Variants in SMARCC1 observed in about 807,000 individuals in gnomAD.
SMARCC1 encodes the protein SWI/SNF complex subunit SMARCC1.
A neutral mutation model predicts 147.4 loss-of-function variants in SMARCC1; 43 were observed. That is an observed-to-expected ratio of 0.29 (90% CI 0.23 to 0.38). The LOEUF is 0.38. SMARCC1 is among the 10% of genes least tolerant of loss of function. The probability of loss-of-function intolerance (pLI) is 1.00; values close to 1 mark genes in which losing one functional copy is unlikely to be tolerated. For missense variants in SMARCC1, 1,119 were observed against 1,381.1 expected (o/e 0.81, Z 3.01); for synonymous variants, 495 against 484.4 (o/e 1.02, Z -0.29).
intron 2 of SMARCC1, among the ~76,000 whole-genome samples, chr3:47,769,210 CAAAAAAAA>C (rs1553692338): frequency 1.8e-4 from 6 of 33,102 alleles, no homozygotes; most frequent in Non-Finnish European, 2.6e-4. Flanking sequence ...GACTCCGTCT[CAAAAAAAA>C]AAAAAAAAAA....
At chr3:47,670,762 G>T in intron 18 of SMARCC1, 45 bp from the exon 19 acceptor site, 1 of 1,142,904 alleles carries the variant, frequency 8.7e-7, no homozygotes, top group Non-Finnish European at 1.3e-6. Flanking sequence ...TTTAAATGCT[G>T]AAGATGGAGC....
Position 47,774,847 on chromosome 3 carries a change from C to A in SMARCC1, c.196-1911G>T, listed in dbSNP as rs888814123. ...TCAAGACAGTGGTTTCTTGCTGTCT[C>A]CCAGGATGGAATACAGTGGTGTAAT... is the stretch of plus-strand genomic sequence containing the variant. On this transcript the variant is annotated intron_variant, in intron 1 of 27. Coordinates refer to ENST00000254480, the MANE Select transcript of SMARCC1 (RefSeq NM_003074.4). 2.6e-5 allele frequency among the ~76,000 whole-genome samples: 4 copies of A among 151,842 alleles called. No individual in the cohort carries two copies. The East Asian group carries it at 7.7e-4, about 29-fold the overall frequency.
chr3:47,678,159 C>T (rs751931538), intron 16 of SMARCC1, 39 bp downstream of exon 16: 1 of 1,212,802 alleles, frequency 8.2e-7, no homozygotes, highest in East Asian at 2.5e-5. Flanking sequence ...TAAGTAAATT[C>T]CTACAGTTAA....
intron 13 of SMARCC1, among the ~76,000 whole-genome samples, chr3:47,686,400 A>G (rs2033723969): frequency 6.6e-6 from 1 of 152,188 alleles, no homozygotes; most frequent in South Asian, 2.1e-4. Context: ...ATCAATGCAG[A>G]GAAGGTAGGT....
intron 18 of SMARCC1, 34 bp from the exon 19 acceptor site, chr3:47,670,751 T>G (rs764152407): frequency 1.5e-6 from 2 of 1,299,326 alleles, no homozygotes; most frequent in Admixed American, 3.4e-5. Flanking sequence ...ATTTGCTCAT[T>G]TTTAAATGCT....
intron 2 of SMARCC1, among the ~76,000 whole-genome samples, chr3:47,750,265 T>C (rs1235533412): frequency 2.0e-5 from 3 of 151,902 alleles, no homozygotes; most frequent in Non-Finnish European, 4.4e-5. Context: ...TGAAACCATG[T>C]CTCTACTAAA....
At chr3:47,741,753 A>C (rs984036887) in intron 3 of SMARCC1, among the ~76,000 whole-genome samples, 1 of 151,734 alleles carries the variant, frequency 6.6e-6, no homozygotes, top group Non-Finnish European at 1.5e-5. Flanking sequence ...TTTTACTATT[A>C]TTTTAAAAAA....
chr3:47,672,363 G>A (rs1426468997), intron 18 of SMARCC1, among the ~76,000 whole-genome samples: 4 of 151,918 alleles, frequency 2.6e-5, no homozygotes, highest in Admixed American at 1.3e-4. Context: ...CCGCCAACAC[G>A]CCCGGCTAAT....
intron 6 of SMARCC1, among the ~76,000 whole-genome samples, chr3:47,727,181 C>T (rs1188245600): frequency 6.6e-6 from 1 of 150,526 alleles, no homozygotes; most frequent in Non-Finnish European, 1.5e-5. Context: ...CCACTACACT[C>T]CATTCTGGGT....
At chr3:47,676,840 T>TATC in intron 16 of SMARCC1, 58 bp from the exon 17 acceptor site, 2 of 1,449,748 alleles carry the variant, frequency 1.4e-6, no homozygotes, top group East Asian at 4.5e-5. Flanking sequence ...GTGCTTTTAC[T>TATC]ATCATCATCA....
chr3:47,671,189 A>AC lies in SMARCC1; in HGVS notation c.1840-473_1840-472insG, dbSNP rs1448886987. ...AGACTATCTCAAAAAAAAAAAAAAAAAAAAAAAAACACACACAAAAACCAA... is the reference window on the plus strand; with the variant it reads ...AGACTATCTCAAAAAAAAAAAAAAAACAAAAAAAAACACACACAAAAACCAA... On this transcript the variant is annotated intron_variant, in intron 18 of 27. Transcript: ENST00000254480. Among the ~76,000 whole-genome samples, 14 of 145,818 alleles carry AC rather than the reference A, an allele frequency of 9.6e-5. No homozygotes were observed. The East Asian group carries it at 9.8e-4, about 10-fold the overall frequency.
intron 2 of SMARCC1, 125 bp downstream of exon 2, chr3:47,772,690 ATT>A: frequency 3.6e-6 from 3 of 834,104 alleles, no homozygotes; most frequent in Non-Finnish European, 5.5e-6. Context: ...TATAACTAAA[ATT>A]TGTTTTTTGC....
At chr3:47,631,726 CAA>C (rs2106697054) in intron 24 of SMARCC1, among the ~76,000 whole-genome samples, 2 of 152,292 alleles carry the variant, frequency 1.3e-5, no homozygotes, top group African/African-American at 4.8e-5. Context: ...GTCAGTATGA[CAA>C]AAGATTCTTA....
chr3:47,776,815 C>T (rs548528811), intron 1 of SMARCC1, among the ~76,000 whole-genome samples: 16 of 151,474 alleles, frequency 1.1e-4, no homozygotes, highest in African/African-American at 3.4e-4. Context: ...GATCTTGTTG[C>T]CCAGGCTGAA....
In SMARCC1 at chr3:47,647,883, T is replaced by C. The variant is rs748017722; in HGVS notation, c.2321-9103A>G. 1.4e-4 allele frequency among the ~76,000 whole-genome samples: 22 copies of C among 152,342 alleles called. No individual in the cohort carries two copies. In the Middle Eastern group the frequency reaches 0.01, roughly 71 times the overall value. Reference sequence around the variant, plus strand: ...TATTTGAACTTTGTATTGTGGCCAATCTAGTTTATTTCCCATTCTCTGAAT... The same window carrying C: ...TATTTGAACTTTGTATTGTGGCCAACCTAGTTTATTTCCCATTCTCTGAAT... On this transcript the variant is annotated intron_variant, in intron 21 of 27. Transcript: ENST00000254480.
chr3:47,603,673 C>A (rs1297819675), intron 26 of SMARCC1: 8 of 232,958 alleles, frequency 3.4e-5, no homozygotes, highest in Non-Finnish European at 6.0e-5. Context: ...TAGGGAGAAT[C>A]TTAATGTAGG....
chr3:47,712,614 A>G (rs936204197), intron 8 of SMARCC1, among the ~76,000 whole-genome samples: 10 of 151,272 alleles, frequency 6.6e-5, no homozygotes, highest in African/African-American at 2.2e-4. Context: ...CGGGTATTAT[A>G]CTCTCTGGCT....
At chr3:47,722,150 C>A (rs2034240166) in intron 6 of SMARCC1, among the ~76,000 whole-genome samples, 1 of 151,858 alleles carries the variant, frequency 6.6e-6, no homozygotes, top group Admixed American at 6.6e-5. Flanking sequence ...CTGTCCTGTC[C>A]TGTTAAGTGT....
At chr3:47,675,302 A>G (rs2033555038) in intron 18 of SMARCC1, among the ~76,000 whole-genome samples, 173 bp downstream of exon 18, 1 of 152,214 alleles carries the variant, frequency 6.6e-6, no homozygotes, top group Admixed American at 6.5e-5. Context: ...AATTTCTCTA[A>G]TAGTGTTATT....
Sources: allele counts gnomAD v4.1 joint callset (sites outside exome capture counted in the v4.1 genomes callset), GRCh38; gene constraint gnomAD v4.1.1; transcripts MANE v1.5; gene names NCBI Gene and HGNC (gene_info 2026-07-23, HGNC 2026-07-21).